Variants in PTPRK observed in about 807,000 individuals in gnomAD.
PTPRK encodes the protein protein tyrosine phosphatase receptor type K.
In PTPRK, 75 loss-of-function variants were observed where a neutral mutation model predicts 178.0. The ratio of observed to expected loss-of-function variants is 0.42; its 90% CI spans 0.35 to 0.51. PTPRK has a LOEUF of 0.51. PTPRK is among the 20% of genes least tolerant of loss of function. PTPRK has a pLI of 0.02. For synonymous variants in PTPRK, 637 were observed against 620.6 expected, an observed-to-expected ratio of 1.03 and a Z score of -0.39; for missense variants, 1,441 against 1,797.8, an observed-to-expected ratio of 0.80 and a Z score of 3.59.
intron 2 of PTPRK, among the ~76,000 whole-genome samples, chr6:128,375,058 CATTATT>C (rs58185524): frequency 0.027 from 3,540 of 132,246 alleles, 87 homozygotes; most frequent in African/African-American, 0.066. Context: ...AGAAACACTG[CATTATT>C]ATTATTATTA....
intron 25 of PTPRK, among the ~76,000 whole-genome samples, chr6:127,978,151 A>G (rs1048126799): frequency 6.6e-6 from 1 of 152,218 alleles, no homozygotes; most frequent in African/African-American, 2.4e-5. Flanking sequence ...CTTCTAAATG[A>G]CCTCAAAACC....
intron 7 of PTPRK, among the ~76,000 whole-genome samples, chr6:128,139,131 G>A (rs1795420504): frequency 6.6e-6 from 1 of 151,946 alleles, no homozygotes; most frequent in Non-Finnish European, 1.5e-5. Context: ...TTTATGATCT[G>A]GTCAGAAAAC....
At chr6:128,152,746 C>T (rs1288408679) in intron 7 of PTPRK, among the ~76,000 whole-genome samples, 2 of 151,780 alleles carry the variant, frequency 1.3e-5, no homozygotes, top group Non-Finnish European at 2.9e-5. Flanking sequence ...AGCAGACCCA[C>T]GTGGCAAAAG....
chr6:128,306,802 G>GA (rs1352044974), intron 3 of PTPRK, among the ~76,000 whole-genome samples: 2 of 151,328 alleles, frequency 1.3e-5, no homozygotes, highest in Non-Finnish European at 2.9e-5. Flanking sequence ...TGTCTCAAAA[G>GA]AAAAAAAATT....
chr6:128,021,576 C>G (rs1043715919), intron 13 of PTPRK, among the ~76,000 whole-genome samples: 1 of 152,144 alleles, frequency 6.6e-6, no homozygotes, highest in Non-Finnish European at 1.5e-5. Context: ...GGAGGCGGAG[C>G]TTGCAGTGAG....
At chr6:128,087,312 T>C (rs1342709432) in intron 8 of PTPRK, among the ~76,000 whole-genome samples, 4 of 152,086 alleles carry the variant, frequency 2.6e-5, no homozygotes, top group Admixed American at 1.3e-4. Flanking sequence ...CCATTACCAA[T>C]TAGGACATGA....
chr6:128,076,340 C>A (rs1783808788), intron 11 of PTPRK, among the ~76,000 whole-genome samples: 1 of 151,942 alleles, frequency 6.6e-6, no homozygotes, highest in Admixed American at 6.6e-5. Flanking sequence ...AGAAAGACAG[C>A]ACAAAGGATT....
Position 128,017,802 on chromosome 6 carries a change from G to GTATATATATATATATATATA in PTPRK, c.2195-8554_2195-8535dup, listed in dbSNP as rs34836605. Among the ~76,000 whole-genome samples the GTATATATATATATATATATA allele has an allele frequency of 7.9e-4, 80 of 101,240 alleles. 2 individuals carry two copies. The highest frequency in any genetic ancestry group is 2.5e-3 in the East Asian group (8 of 3,254). 66.4% of individuals were successfully genotyped at this position (101,240 alleles called of 152,430 possible). On this transcript the variant is annotated intron_variant, in intron 13 of 29. Coordinates refer to ENST00000368226, the MANE Select transcript of PTPRK (RefSeq NM_002844.4). ...TACATATATAAATAAATATATATGT[G>GTATATATATATATATATATA]TATATATATATATATATATATATAT...
chr6:128,501,444 C>T (rs1042690384), intron 1 of PTPRK, among the ~76,000 whole-genome samples: 1 of 151,736 alleles, frequency 6.6e-6, no homozygotes. Context: ...GGAAAAAATA[C>T]ATATACAACA....
chr6:127,987,401 G>A (rs192093472), intron 21 of PTPRK, among the ~76,000 whole-genome samples: 19 of 152,082 alleles, frequency 1.2e-4, no homozygotes, highest in East Asian at 7.7e-4. Flanking sequence ...ATGCGTATCC[G>A]TAAGTACACT....
chr6:128,376,001 C>T (rs913955240), intron 2 of PTPRK, among the ~76,000 whole-genome samples: 2 of 152,126 alleles, frequency 1.3e-5, no homozygotes, highest in African/African-American at 2.4e-5. Context: ...ATGCTATAGC[C>T]CCTCTCCTGT....
At chr6:128,283,497 A>T (rs1356136218) in intron 3 of PTPRK, among the ~76,000 whole-genome samples, 1 of 152,166 alleles carries the variant, frequency 6.6e-6, no homozygotes, top group Non-Finnish European at 1.5e-5. Context: ...CTTTTTAGAA[A>T]GCATGAACTT....
rs1778262907 is a variant in PTPRK at position 128,005,072 on chromosome 6, T to G, written c.2494+12A>C. On this transcript the variant is annotated intron_variant, in intron 15 of 29. Coordinates refer to ENST00000368226, the MANE Select transcript of PTPRK (RefSeq NM_002844.4). The stretch of plus-strand genomic sequence containing the variant: ...GTAACATCATTTATTAAAATTTTAA[T>G]GAAAAACTTACATCTTGGACTAAAG... 6.3e-7 allele frequency: 1 copy of G among 1,599,448 alleles called. No homozygotes were observed. The highest frequency in any genetic ancestry group is 1.3e-5 in the African/African-American group (1 of 74,334).
intron 7 of PTPRK, among the ~76,000 whole-genome samples, chr6:128,123,725 T>C (rs1345557532): frequency 6.6e-6 from 1 of 152,224 alleles, no homozygotes; most frequent in African/African-American, 2.4e-5. Context: ...ATCTCCTTCA[T>C]CTTCTAAGTT....
chr6:128,063,139 TACTC>T (rs1217596218), intron 13 of PTPRK, among the ~76,000 whole-genome samples: 1 of 152,142 alleles, frequency 6.6e-6, no homozygotes, highest in African/African-American at 2.4e-5. Flanking sequence ...TCCTTTCTCT[TACTC>T]ACTACACCAC....
intron 1 of PTPRK, among the ~76,000 whole-genome samples, chr6:128,403,516 G>A (rs1841287767): frequency 3.3e-5 from 5 of 151,646 alleles, no homozygotes; most frequent in Admixed American, 2.6e-4. Context: ...AATAATAACA[G>A]TTATAGCACA....
Position 127,988,300 on chromosome 6 carries a change from C to CTT in PTPRK, c.3097-2427_3097-2426dup, listed in dbSNP as rs374249275. ...ATTCTGTTATCATCATTATGCTAAC[C>CTT]TTTTTTTTTTTTTTTTTTTTTGAGA... is the stretch of plus-strand genomic sequence containing the variant. On this transcript the variant is annotated intron_variant, in intron 21 of 29. Transcript: ENST00000368226. 5.9e-3 allele frequency among the ~76,000 whole-genome samples: 694 copies of CTT among 117,622 alleles called. 20 individuals carry two copies. Among genetic ancestry groups the CTT allele is most frequent in the African/African-American group, 0.015 (461 of 30,408 alleles). 77.2% of individuals were successfully genotyped at this position (117,622 alleles called of 152,430 possible). A position where few individuals can be genotyped will look rare whatever the true frequency, so the allele number is the denominator to read the frequency against.
intron 13 of PTPRK, among the ~76,000 whole-genome samples, chr6:128,040,509 G>A (rs894282819): frequency 6.6e-6 from 1 of 152,000 alleles, no homozygotes; most frequent in African/African-American, 2.4e-5. Flanking sequence ...ATTGTAAGAG[G>A]CACAGATGCA....
chr6:128,482,930 G>A (rs1052710650), intron 1 of PTPRK, among the ~76,000 whole-genome samples: 2 of 152,158 alleles, frequency 1.3e-5, no homozygotes, highest in South Asian at 4.1e-4. Context: ...GTGGTATCCT[G>A]CTCATAAAAC....
Sources: gnomAD v4.1 joint callset for allele counts (sites outside exome capture counted in the v4.1 genomes callset) on GRCh38, gnomAD v4.1.1 for gene constraint, MANE v1.5 for transcripts, NCBI Gene and HGNC (gene_info 2026-07-23, HGNC 2026-07-21) for gene names.